EGLN1: variants seen among roughly 807,000 people sequenced by gnomAD.
The protein encoded by EGLN1 is egl-9 family hypoxia inducible factor 1.
Under a neutral mutation model 38.3 loss-of-function variants are expected in EGLN1, and 17 were observed. The observed-to-expected ratio is 0.44, with a 90% confidence interval of 0.30 to 0.67. EGLN1 has a LOEUF of 0.67. Among genes scored for constraint, EGLN1 ranks in the 30% least tolerant of loss-of-function variants. The pLI is 0.08. For missense variants in EGLN1, 477 were observed against 603.3 expected (o/e 0.79, Z 2.19); for synonymous variants, 283 against 257.5 (o/e 1.10, Z -0.95).
At chr1:231,376,932 G>C (rs1012720708) in intron 1 of EGLN1, among the ~76,000 whole-genome samples, 3 of 152,184 alleles carry the variant, frequency 2.0e-5, no homozygotes, top group African/African-American at 7.2e-5. Flanking sequence ...AGCGAGCACG[G>C]GCCAATGTGA....
intron 1 of EGLN1, among the ~76,000 whole-genome samples, chr1:231,408,841 C>T (rs773551138): frequency 3.3e-5 from 5 of 152,000 alleles, no homozygotes; most frequent in Non-Finnish European, 5.9e-5. Context: ...AGTTAGAGGA[C>T]CTTCTCACCA....
At chr1:231,411,144 T>C (rs2491415) in intron 1 of EGLN1, among the ~76,000 whole-genome samples, 23,126 of 152,122 alleles carry the variant, frequency 0.15, 2,152 homozygotes, top group African/African-American at 0.25. Flanking sequence ...TAATCCCCAT[T>C]GTCAGGGGAG....
At chr1:231,384,862 G>C (rs1390459851) in intron 1 of EGLN1, among the ~76,000 whole-genome samples, 1 of 152,188 alleles carries the variant, frequency 6.6e-6, no homozygotes, top group East Asian at 1.9e-4. Flanking sequence ...CTCCGGTCTA[G>C]CAGCTATGAC....
intron 1 of EGLN1, among the ~76,000 whole-genome samples, chr1:231,391,350 A>G (rs1688383060): frequency 1.3e-5 from 2 of 152,126 alleles, no homozygotes; most frequent in Non-Finnish European, 2.9e-5. Flanking sequence ...GCAGAGATTT[A>G]AAATAAAAAC....
At chr1:231,375,574 T>G (rs1687937798) in intron 1 of EGLN1, among the ~76,000 whole-genome samples, 1 of 152,242 alleles carries the variant, frequency 6.6e-6, no homozygotes, top group Non-Finnish European at 1.5e-5. Context: ...CTGAATTCAC[T>G]GCTCTTTATA....
chr1:231,395,761 C>T (rs1485459067), intron 1 of EGLN1, among the ~76,000 whole-genome samples: 2 of 152,158 alleles, frequency 1.3e-5, no homozygotes, highest in South Asian at 2.1e-4. Context: ...GCTGTCAGAA[C>T]GGCAGCATCC....
rs568764786 is a variant in EGLN1, at chr1:231,394,611, G to A, written c.892-20512C>T. 2.7e-5 allele frequency among the ~76,000 whole-genome samples: 4 copies of A among 149,468 alleles called. No homozygotes were observed. The South Asian group carries it at 6.3e-4, about 24-fold the overall frequency. On this transcript the variant is annotated intron_variant, in intron 1 of 4. Transcript: ENST00000366641. Reference sequence around the variant, plus strand: ...TCACCGTGTTAGCCAGGATGGTCTCGATTTCCTGACCTCATAATCCACCTG... The same window carrying A: ...TCACCGTGTTAGCCAGGATGGTCTCAATTTCCTGACCTCATAATCCACCTG...
Position 231,421,236 on chromosome 1 carries a change from G to A in EGLN1, c.653C>T (p.Thr218Ile). 1 of 1,613,890 alleles carries A rather than the reference G, an allele frequency of 6.2e-7. No homozygotes were observed. ...CVVDDFLGKE[T>I]GQQIGDEVRA... ...CACCTCGTCGCCGATCTGCTGTCCG[G>A]TCTCCTTGCCGAGGAAGTCGTCCAC... Residue 218 changes from threonine to isoleucine, a missense_variant, in exon 1 of 5, where the codon ACC becomes ATC. Around this residue, in one of 4 missense-constraint regions of EGLN1, gnomAD observed 119 missense variants for 179.0 expected, o/e 0.66. Transcript: ENST00000366641. The surrounding 1 kb of genome is among the most constrained non-coding windows in gnomAD (Gnocchi z 5.5).
At position 231,365,784 on chromosome 1, in the gene EGLN1, AAC is replaced by A. The variant is rs1687629982; in HGVS notation, c.*625_*626del. On this transcript the variant is annotated 3_prime_UTR_variant, in exon 5 of 5. Coordinates refer to ENST00000366641, the MANE Select transcript of EGLN1 (RefSeq NM_022051.3). Reference sequence around the variant, plus strand: ...TGTCAAAAAAAAAGCAGCAATCTTTAACAGTTCAAATTAGTGTAAGGAAGGAC... The same window carrying A: ...TGTCAAAAAAAAAGCAGCAATCTTTAAGTTCAAATTAGTGTAAGGAAGGAC... 2.6e-5 allele frequency: 4 copies of A among 152,858 alleles called. No homozygotes were observed. The South Asian group carries it at 8.2e-4, about 32-fold the overall frequency. 9.5% of individuals were successfully genotyped at this position (152,858 alleles called of 1,614,324 possible). A position where few individuals can be genotyped will look rare whatever the true frequency, so the allele number is the denominator to read the frequency against.
intron 1 of EGLN1, among the ~76,000 whole-genome samples, chr1:231,389,987 C>T (rs1688326201): frequency 6.6e-6 from 1 of 152,112 alleles, no homozygotes; most frequent in African/African-American, 2.4e-5. Flanking sequence ...AACAAAAGAA[C>T]AGTGGGACTC....
At chr1:231,389,776 A>G (rs1377180470) in intron 1 of EGLN1, among the ~76,000 whole-genome samples, 1 of 152,146 alleles carries the variant, frequency 6.6e-6, no homozygotes, top group Admixed American at 6.5e-5. Flanking sequence ...GTGAAACCCC[A>G]TCTCTACTAC....
At chr1:231,396,274 TTGG>T (rs67971731) in intron 1 of EGLN1, among the ~76,000 whole-genome samples, 79,706 of 147,230 alleles carry the variant, frequency 0.54, 23,268 homozygotes, top group Non-Finnish European at 0.65. Flanking sequence ...TTTTTTGAGA[TTGG>T]GGAGTCTCGC....
intron 1 of EGLN1, among the ~76,000 whole-genome samples, chr1:231,376,370 A>C (rs1326405274): frequency 6.6e-6 from 1 of 152,198 alleles, no homozygotes; most frequent in Admixed American, 6.5e-5. Flanking sequence ...CTTCTAGGTC[A>C]TCAGAGCAAT....
chr1:231,369,812 T>C (rs1056594653), intron 3 of EGLN1, among the ~76,000 whole-genome samples: 4 of 152,208 alleles, frequency 2.6e-5, no homozygotes, highest in African/African-American at 9.7e-5. Context: ...TCCAAGACCT[T>C]TCCATAATAA....
At chr1:231,366,721 T>G (rs1687657683) in intron 4 of EGLN1, among the ~76,000 whole-genome samples, 1 of 152,264 alleles carries the variant, frequency 6.6e-6, no homozygotes, top group Non-Finnish European at 1.5e-5. Flanking sequence ...TCTTTTTATT[T>G]TAAAAGCCAT....
At chr1:231,378,633 T>C (rs553720118) in intron 1 of EGLN1, among the ~76,000 whole-genome samples, 25 of 152,242 alleles carry the variant, frequency 1.6e-4, no homozygotes, top group African/African-American at 5.3e-4. Flanking sequence ...CAGCATAAAT[T>C]TGTTTTTCAC....
intron 1 of EGLN1, among the ~76,000 whole-genome samples, chr1:231,405,964 G>C (rs911783849): frequency 6.9e-6 from 1 of 144,014 alleles, no homozygotes. Flanking sequence ...ATTTTAGTTA[G>C]TAAGCACCCC....
chr1:231,380,501 A>ACATT (rs143125612), intron 1 of EGLN1, among the ~76,000 whole-genome samples: 2 of 151,282 alleles, frequency 1.3e-5, no homozygotes, highest in Admixed American at 1.3e-4. Flanking sequence ...AAGGGCATAT[A>ACATT]GTTTCCTTAA....
intron 3 of EGLN1, 127 bp from the exon 4 acceptor site, chr1:231,367,763 A>C (rs1572014858): frequency 2.5e-6 from 2 of 795,106 alleles, no homozygotes; most frequent in Non-Finnish European, 4.3e-6. Flanking sequence ...ATCAAAGGAT[A>C]AATTTAACAG....
Sources: allele counts gnomAD v4.1 joint callset (sites outside exome capture counted in the v4.1 genomes callset), GRCh38; gene constraint gnomAD v4.1.1; regional missense constraint gnomAD v4.1.1; non-coding constraint Gnocchi (gnomAD v3.1); transcripts MANE v1.5; gene names NCBI Gene and HGNC (gene_info 2026-07-23, HGNC 2026-07-21).